The following DGKB variants were observed in gnomAD, a reference collection of about 807,000 sequenced individuals.
DGKB encodes 90 kDa diacylglycerol kinase.
A neutral mutation model predicts 114.3 loss-of-function variants in DGKB; 67 were observed. The ratio of observed to expected loss-of-function variants is 0.59; its 90% CI spans 0.48 to 0.72. DGKB has a LOEUF of 0.72. Ranked by LOEUF, DGKB falls within the 30% of genes least tolerant of loss-of-function variation. The pLI, the probability that DGKB is intolerant of heterozygous loss-of-function variation, is 0.00. For missense variants in DGKB, 907 were observed against 975.2 expected (o/e 0.93, Z 0.93); for synonymous variants, 398 against 323.1 (o/e 1.23, Z -2.49).
chr7:14,690,226 C>T (rs1190492412), intron 9 of DGKB, among the ~76,000 whole-genome samples: 2 of 152,170 alleles, frequency 1.3e-5, no homozygotes, highest in African/African-American at 4.8e-5. Flanking sequence ...AGGAAATGTT[C>T]AAACTGAAAG....
chr7:14,164,420 T>C lies in DGKB; in HGVS notation c.2304+12419A>G, dbSNP rs564551993. Among the ~76,000 whole-genome samples, 3 of 152,310 alleles carry C rather than the reference T, an allele frequency of 2.0e-5. No individual in the cohort carries two copies. In the East Asian group the frequency reaches 5.8e-4, roughly 29 times the overall value. ...CTATCCAGATAATGAAACTGGTACATTAAGAATTATTTAATGATATTTAAA... is the reference window on the plus strand; with the variant it reads ...CTATCCAGATAATGAAACTGGTACACTAAGAATTATTTAATGATATTTAAA... On this transcript the variant is annotated intron_variant, in intron 25 of 25. Coordinates refer to ENST00000402815, the MANE Select transcript of DGKB (RefSeq NM_001350709.2).
At chr7:14,238,116 A>C (rs1374379980) in intron 23 of DGKB, among the ~76,000 whole-genome samples, 2 of 152,056 alleles carry the variant, frequency 1.3e-5, no homozygotes, top group African/African-American at 2.4e-5. Flanking sequence ...AATAAGAATT[A>C]ATGAAAACTG....
intron 23 of DGKB, among the ~76,000 whole-genome samples, chr7:14,190,000 A>C (rs1784067389): frequency 6.6e-6 from 1 of 152,202 alleles, no homozygotes; most frequent in Non-Finnish European, 1.5e-5. Context: ...CTAATGACAA[A>C]AAATCAACAA....
At chr7:14,848,578 A>G (rs143716107) in intron 1 of DGKB, among the ~76,000 whole-genome samples, 186 of 152,320 alleles carry the variant, frequency 1.2e-3, no homozygotes, top group African/African-American at 4.3e-3. Flanking sequence ...TGTGGTGACA[A>G]AAAGCTATTC....
At chr7:14,406,339 G>A (rs1175416749) in intron 21 of DGKB, among the ~76,000 whole-genome samples, 2 of 151,958 alleles carry the variant, frequency 1.3e-5, no homozygotes, top group East Asian at 3.9e-4. Flanking sequence ...TTCATTAAGG[G>A]TCAACTACTT....
Position 14,947,075 on chromosome 7 carries a change from T to TA in DGKB, c.-188+27620dup, listed in dbSNP as rs550096984. ...AGATAAGAATTAAAAAGGGAGAAAA[T>TA]AAAAAAAAGAAATCAATATTTATTA... On this transcript the variant is annotated intron_variant, in intron 1 of 4. Coordinates refer to the DGKB transcript ENST00000437998. 4.2e-3 allele frequency among the ~76,000 whole-genome samples: 635 copies of TA among 151,202 alleles called. 7 individuals carry two copies. The highest frequency in any genetic ancestry group is 0.014 in the African/African-American group (585 of 41,376).
At chr7:14,495,591 A>G (rs1021235717) in intron 20 of DGKB, among the ~76,000 whole-genome samples, 4 of 151,808 alleles carry the variant, frequency 2.6e-5, no homozygotes, top group African/African-American at 9.7e-5. Flanking sequence ...GAAACCCTTC[A>G]TTTATTCTAC....
Position 14,660,446 on chromosome 7 carries a change from A to G in DGKB, c.1134+12483T>C, listed in dbSNP as rs557894645. Among the ~76,000 whole-genome samples the G allele has an allele frequency of 5.9e-5, 9 of 152,108 alleles. No individual in the cohort carries two copies. The South Asian group carries it at 1.0e-3, about 18-fold the overall frequency. ...GGTCTATTCTTCCTGGTTTAGTCTTAGGAGACTGTATGTGTCGAGGAATTT... is the reference window on the plus strand; with the variant it reads ...GGTCTATTCTTCCTGGTTTAGTCTTGGGAGACTGTATGTGTCGAGGAATTT... On this transcript the variant is annotated intron_variant, in intron 13 of 25. Coordinates refer to ENST00000402815, the MANE Select transcript of DGKB (RefSeq NM_001350709.2).
intron 15 of DGKB, among the ~76,000 whole-genome samples, chr7:14,618,232 G>T (rs1274209392): frequency 6.6e-6 from 1 of 150,942 alleles, no homozygotes; most frequent in Non-Finnish European, 1.5e-5. Context: ...TTAGTGCATG[G>T]GTGCATGGTT....
At chr7:14,500,297 T>A (rs1785952440) in intron 20 of DGKB, among the ~76,000 whole-genome samples, 2 of 151,770 alleles carry the variant, frequency 1.3e-5, no homozygotes, top group South Asian at 4.1e-4. Context: ...AAGAACAAAG[T>A]GTTTTCAAAT....
chr7:14,615,608 G>C (rs1288384805), intron 15 of DGKB, among the ~76,000 whole-genome samples: 1 of 151,740 alleles, frequency 6.6e-6, no homozygotes, highest in Admixed American at 6.6e-5. Context: ...AGAATTTAAA[G>C]AATTTAGAGC....
At chr7:14,368,390 T>G (rs1817056294) in intron 21 of DGKB, among the ~76,000 whole-genome samples, 1 of 152,164 alleles carries the variant, frequency 6.6e-6, no homozygotes, top group South Asian at 2.1e-4. Flanking sequence ...CCAGATTTTT[T>G]TAGGGTGATT....
Position 14,148,667 on chromosome 7 carries a change from G to T in DGKB, c.*464C>A, listed in dbSNP as rs1257494081. On this transcript the variant is annotated 3_prime_UTR_variant, in exon 26 of 26. Coordinates refer to ENST00000402815, the MANE Select transcript of DGKB (RefSeq NM_001350709.2). ...TTAAAAGTTTCTCCTCAAGTCATAG[G>T]TCACTGATACACTGATTCTAAAAGG... 5.9e-6 allele frequency: 1 copy of T among 168,432 alleles called. No individual in the cohort carries two copies. Among genetic ancestry groups the T allele is most frequent in the African/African-American group, 2.4e-5 (1 of 41,524 alleles). The allele number at this position is 168,432 out of a possible 1,614,324, so 10.4% of individuals were successfully genotyped here. A position where few individuals can be genotyped will look rare whatever the true frequency, so the allele number is the denominator to read the frequency against.
chr7:14,471,978 T>G (rs760068886), intron 21 of DGKB, among the ~76,000 whole-genome samples: 3 of 152,114 alleles, frequency 2.0e-5, no homozygotes, highest in Admixed American at 2.0e-4. Context: ...TTCCAAAAAT[T>G]AGAGACCAGA....
intron 21 of DGKB, among the ~76,000 whole-genome samples, chr7:14,383,594 G>C (rs1379242123): frequency 6.6e-6 from 1 of 152,110 alleles, no homozygotes; most frequent in Non-Finnish European, 1.5e-5. Context: ...ATCCAAAGTG[G>C]GTTCTTTTGC....
intron 9 of DGKB, among the ~76,000 whole-genome samples, chr7:14,692,458 T>C (rs912745840): frequency 1.3e-5 from 2 of 152,036 alleles, no homozygotes; most frequent in African/African-American, 4.8e-5. Flanking sequence ...CATTAAACCT[T>C]AAAATGTCAA....
chr7:14,560,832 G>C (rs1029479776), intron 20 of DGKB, among the ~76,000 whole-genome samples: 1 of 152,174 alleles, frequency 6.6e-6, no homozygotes, highest in Non-Finnish European at 1.5e-5. Context: ...TTATGCAGGA[G>C]TCCCAATTTC....
At chr7:14,878,881 A>G (rs1051894103) in intron 1 of DGKB, among the ~76,000 whole-genome samples, 11 of 149,484 alleles carry the variant, frequency 7.4e-5, no homozygotes, top group Non-Finnish European at 1.5e-4. Context: ...CAAATCTTGC[A>G]TATGTTTTAG....
At chr7:14,234,331 AGT>A (rs2128348010) in intron 23 of DGKB, among the ~76,000 whole-genome samples, 1 of 152,252 alleles carries the variant, frequency 6.6e-6, no homozygotes, top group East Asian at 1.9e-4. Flanking sequence ...TCCAAAAGTA[AGT>A]GTAAGATTTC....
Sources: allele counts gnomAD v4.1 joint callset (sites outside exome capture counted in the v4.1 genomes callset), GRCh38; gene constraint gnomAD v4.1.1; transcripts MANE v1.5; gene names NCBI Gene and HGNC (gene_info 2026-07-23, HGNC 2026-07-21).